Variants in PTPN14 observed in about 807,000 individuals in gnomAD.
The protein encoded by PTPN14 is tyrosine-protein phosphatase non-receptor type 14.
A neutral mutation model predicts 126.8 loss-of-function variants in PTPN14; 53 were observed. The observed-to-expected ratio is 0.42, with a 90% CI of 0.34 to 0.53. The LOEUF (loss-of-function observed/expected upper bound fraction) is 0.53, where lower values mean the gene tolerates loss of function less well. Ranked by LOEUF, PTPN14 falls within the 20% of genes least tolerant of loss-of-function variation. The pLI is 0.08. For missense variants in PTPN14, 1,257 were observed against 1,552.9 expected, an observed-to-expected ratio of 0.81 and a Z score of 3.20; for synonymous variants, 630 against 599.3, an observed-to-expected ratio of 1.05 and a Z score of -0.75.
At chr1:214,440,489 G>A (rs560804119) in intron 3 of PTPN14, among the ~76,000 whole-genome samples, 1 of 152,350 alleles carries the variant, frequency 6.6e-6, no homozygotes, top group African/African-American at 2.4e-5. Flanking sequence ...TTTGAGCCAT[G>A]GCTCTGCAGT....
chr1:214,369,683 T>C lies in PTPN14; in HGVS notation c.3045A>G (p.Gly1015=). The part of the protein sequence containing the change: ...IAMVTAEEEG[G]RTKSHRYWPK... ...GCCAGTATCGGTGGCTTTTGGTTCG[T>C]CCACCCTCCTAAATCACATATAAAA... Residue 1015 remains glycine, a synonymous_variant, in exon 17 of 19, where the codon GGA becomes GGG. Coordinates refer to ENST00000366956, the MANE Select transcript of PTPN14 (RefSeq NM_005401.5). 6.2e-7 allele frequency: 1 copy of C among 1,614,150 alleles called. No individual in the cohort carries two copies. Among genetic ancestry groups the C allele is most frequent in the South Asian group, 1.1e-5 (1 of 91,074 alleles).
intron 11 of PTPN14, among the ~76,000 whole-genome samples, chr1:214,387,357 C>T (rs975125907): frequency 1.3e-5 from 2 of 152,030 alleles, no homozygotes; most frequent in African/African-American, 4.8e-5. Context: ...ATTAAAAATA[C>T]AAAAATTAGC....
At chr1:214,502,305 C>A (rs1654726282) in intron 1 of PTPN14, among the ~76,000 whole-genome samples, 1 of 152,022 alleles carries the variant, frequency 6.6e-6, no homozygotes, top group South Asian at 2.1e-4. Flanking sequence ...TAATTAAGAG[C>A]CTGAGATTAA....
intron 1 of PTPN14, among the ~76,000 whole-genome samples, chr1:214,497,424 T>C (rs1314146107): frequency 6.6e-6 from 1 of 152,200 alleles, no homozygotes; most frequent in East Asian, 1.9e-4. Context: ...TTTATTGGCA[T>C]ACACACAGGT....
intron 17 of PTPN14, among the ~76,000 whole-genome samples, chr1:214,368,936 T>G (rs994879270): frequency 6.6e-6 from 1 of 152,130 alleles, no homozygotes; most frequent in African/African-American, 2.4e-5. Context: ...GAGCTGAGAT[T>G]GTGCCACTGC....
chr1:214,439,173 A>C (rs1659984049), intron 3 of PTPN14, among the ~76,000 whole-genome samples: 1 of 152,186 alleles, frequency 6.6e-6, no homozygotes, highest in Admixed American at 6.5e-5. Flanking sequence ...TGATTCCAAC[A>C]ATCATTCAAA....
At chr1:214,531,079 A>C (rs1558144264) in intron 1 of PTPN14, 1 of 152,234 alleles carries the variant, frequency 6.6e-6, no homozygotes, top group Non-Finnish European at 1.5e-5. Context: ...GTGAACTGAA[A>C]TTGAAATAAA....
intron 1 of PTPN14, among the ~76,000 whole-genome samples, chr1:214,540,022 T>C (rs905154931): frequency 2.6e-5 from 4 of 152,182 alleles, no homozygotes; most frequent in Admixed American, 6.5e-5. Flanking sequence ...TTTTAATTTG[T>C]TTCACATCAG....
intron 1 of PTPN14, among the ~76,000 whole-genome samples, chr1:214,504,057 G>C (rs1654771297): frequency 6.6e-6 from 1 of 152,158 alleles, no homozygotes; most frequent in African/African-American, 2.4e-5. Context: ...TAGGAATGCT[G>C]CGAATAATGT....
At chr1:214,373,964 A>G (rs1159459698) in intron 15 of PTPN14, among the ~76,000 whole-genome samples, 1 of 152,188 alleles carries the variant, frequency 6.6e-6, no homozygotes, top group African/African-American at 2.4e-5. Flanking sequence ...CAGGGTGATC[A>G]GGGGAAGATA....
rs1657704011 is a variant in PTPN14 at position 214,351,298 on chromosome 1, AAAAAAAAAAGAAAAAG to A, written c.*6608_*6623del. ...GACACGATCTCAAAAACTAAAAAAAAAAAAAAAAAGAAAAAGAAAAAAAAAAAGGCAGCAGACCCTA... is the reference window on the plus strand; with the variant it reads ...GACACGATCTCAAAAACTAAAAAAAAAAAAAAAAAAAGGCAGCAGACCCTA... On this transcript the variant is annotated 3_prime_UTR_variant, in exon 19 of 19. Coordinates refer to ENST00000366956, the MANE Select transcript of PTPN14 (RefSeq NM_005401.5). 6.7e-6 allele frequency: 1 copy of A among 149,940 alleles called. No individual in the cohort carries two copies. Among genetic ancestry groups the A allele is most frequent in the African/African-American group, 2.5e-5 (1 of 39,488 alleles). 9.3% of individuals were successfully genotyped at this position (149,940 alleles called of 1,614,324 possible). A position where few individuals can be genotyped will look rare whatever the true frequency, so the allele number is the denominator to read the frequency against.
chr1:214,380,493 G>A (rs1234381713), intron 13 of PTPN14, among the ~76,000 whole-genome samples: 1 of 152,122 alleles, frequency 6.6e-6, no homozygotes, highest in Non-Finnish European at 1.5e-5. Flanking sequence ...TCTGGCTAGG[G>A]GACTACAAGC....
At chr1:214,427,386 T>G (rs1659692723) in intron 3 of PTPN14, among the ~76,000 whole-genome samples, 1 of 152,088 alleles carries the variant, frequency 6.6e-6, no homozygotes, top group Non-Finnish European at 1.5e-5. Flanking sequence ...GAAATCATTA[T>G]AAAAGCTGTC....
chr1:214,531,499 A>ACACAC (rs1655545929), intron 1 of PTPN14: 1 of 129,556 alleles, frequency 7.7e-6, no homozygotes, highest in Admixed American at 7.8e-5. Flanking sequence ...AACCCAGCCT[A>ACACAC]ACACACACAC....
rs1254515536 is a variant in PTPN14 at position 214,464,630 on chromosome 1, C to T, written c.174G>A (p.Glu58=). Residue 58 remains glutamate (E), a splice_region_variant and synonymous_variant, in exon 2 of 19, where the codon GAG becomes GAA. Transcript: ENST00000366956. ...EAVAQRLELR[E]THYFGLWFLS... The stretch of plus-strand genomic sequence containing the variant: ...GCGCACACAGACACACCCCTCTTAC[C>T]TCTCGCAGCTCCAGCCTCTGGGCCA... The T allele has an allele frequency of 6.2e-7, 1 of 1,613,982 alleles. No homozygotes were observed. The highest frequency in any genetic ancestry group is 1.7e-5 in the Admixed American group (1 of 60,020).
chr1:214,395,820 C>T (rs536830551), intron 8 of PTPN14, among the ~76,000 whole-genome samples: 72 of 152,178 alleles, frequency 4.7e-4, no homozygotes, highest in African/African-American at 1.6e-3. Flanking sequence ...TCATATGATG[C>T]GTCTGCTCAT....
At chr1:214,468,220 T>A (rs999164172) in intron 1 of PTPN14, among the ~76,000 whole-genome samples, 3 of 152,178 alleles carry the variant, frequency 2.0e-5, no homozygotes, top group Admixed American at 1.3e-4. Flanking sequence ...GGTAAAGAAG[T>A]CATGATGCCT....
At chr1:214,491,317 C>A (rs961625683) in intron 1 of PTPN14, among the ~76,000 whole-genome samples, 2 of 152,276 alleles carry the variant, frequency 1.3e-5, no homozygotes, top group Non-Finnish European at 2.9e-5. Context: ...CTATCTACAG[C>A]GGCTGTGGGC....
intron 11 of PTPN14, among the ~76,000 whole-genome samples, chr1:214,388,739 T>G (rs1658682737): frequency 6.6e-6 from 1 of 152,192 alleles, no homozygotes; most frequent in South Asian, 2.1e-4. Context: ...CCTTATAGAT[T>G]TTAAAGGTTA....
Sources: allele counts gnomAD v4.1 joint callset (sites outside exome capture counted in the v4.1 genomes callset), GRCh38; gene constraint gnomAD v4.1.1; transcripts MANE v1.5; gene names NCBI Gene and HGNC (gene_info 2026-07-23, HGNC 2026-07-21).